The following ITPR2 variants were observed in gnomAD, a reference collection of about 807,000 sequenced individuals.
The protein encoded by ITPR2 is inositol 1,4,5-trisphosphate-gated calcium channel ITPR2.
In ITPR2, 207 loss-of-function variants were observed where a neutral mutation model predicts 317.1. The ratio of observed to expected loss-of-function variants is 0.65; its 90% CI spans 0.58 to 0.73. The LOEUF (loss-of-function observed/expected upper bound fraction) is 0.73. Ranked by LOEUF, ITPR2 falls within the 30% of genes least tolerant of loss-of-function variation. The probability of loss-of-function intolerance (pLI) is 0.00; values close to 1 mark genes in which losing one functional copy is unlikely to be tolerated. For synonymous variants in ITPR2, 1,156 were observed against 1,149.1 expected (o/e 1.01, Z -0.12); for missense variants, 2,613 against 3,284.0 (o/e 0.80, Z 4.99).
intron 49 of ITPR2, among the ~76,000 whole-genome samples, chr12:26,423,839 C>G (rs933405571): frequency 6.6e-6 from 1 of 152,120 alleles, no homozygotes; most frequent in African/African-American, 2.4e-5. Flanking sequence ...TGAAATATCT[C>G]AAATATTGCG....
At chr12:26,675,973 C>T (rs1369612550) in intron 13 of ITPR2, among the ~76,000 whole-genome samples, 2 of 151,880 alleles carry the variant, frequency 1.3e-5, no homozygotes, top group Non-Finnish European at 2.9e-5. Context: ...GCCTGGCCAA[C>T]ATGGTGAAAC....
intron 55 of ITPR2, among the ~76,000 whole-genome samples, chr12:26,356,728 T>G (rs1022363520): frequency 6.6e-6 from 1 of 152,222 alleles, no homozygotes; most frequent in Non-Finnish European, 1.5e-5. Context: ...ATTGATTGAT[T>G]GTAGGGTGGG....
chr12:26,340,604 A>C (rs1938078535), intron 55 of ITPR2, among the ~76,000 whole-genome samples: 1 of 152,110 alleles, frequency 6.6e-6, no homozygotes, highest in African/African-American at 2.4e-5. Flanking sequence ...GCATTCAGTG[A>C]ATGATGGTGA....
intron 51 of ITPR2, among the ~76,000 whole-genome samples, chr12:26,414,044 TATATGTACACACAC>T (rs1565513175): frequency 1.5e-5 from 1 of 67,232 alleles, no homozygotes; most frequent in East Asian, 7.2e-4. Context: ...TCTACATGTA[TATATGTACACACAC>T]ACACACACAC....
At chr12:26,523,672 C>T (rs1943728121) in intron 37 of ITPR2, among the ~76,000 whole-genome samples, 1 of 152,136 alleles carries the variant, frequency 6.6e-6, no homozygotes, top group Admixed American at 6.5e-5. Context: ...ATGATGTATA[C>T]ATAATGCAAA....
chr12:26,363,782 T>G (rs1312561028), intron 55 of ITPR2, among the ~76,000 whole-genome samples: 2 of 149,708 alleles, frequency 1.3e-5, no homozygotes, highest in Non-Finnish European at 3.0e-5. Flanking sequence ...AAAAAAAGAG[T>G]CCTACAAATT....
rs1186797166 is a variant in ITPR2, at chr12:26,486,233, T to C, written c.5682A>G (p.Thr1894=). The part of the protein sequence containing the change: ...EMDPEIDIMC[T]GPEAGNTEEK... Reference sequence around the variant, plus strand: ...CCTCAGTGTTTCCCGCTTCTGGTCCTGTGCACATAATGTCTATTTCTGGAT... The same window carrying C: ...CCTCAGTGTTTCCCGCTTCTGGTCCCGTGCACATAATGTCTATTTCTGGAT... The change falls in exon 41 of 57, where the codon ACA becomes ACG. Residue 1894 remains threonine, a synonymous_variant. Transcript: ENST00000381340. 1.2e-6 allele frequency: 2 copies of C among 1,614,212 alleles called. No individual in the cohort carries two copies. The highest frequency in any genetic ancestry group is 1.7e-5 in the Admixed American group (1 of 60,028).
chr12:26,815,644 T>G (rs1409962308), intron 1 of ITPR2, among the ~76,000 whole-genome samples: 1 of 152,032 alleles, frequency 6.6e-6, no homozygotes, highest in Non-Finnish European at 1.5e-5. Context: ...AAGGATAGCA[T>G]GCATCAAACC....
At chr12:26,720,323 T>TCC (rs1948813586) in intron 5 of ITPR2, among the ~76,000 whole-genome samples, 1 of 152,212 alleles carries the variant, frequency 6.6e-6, no homozygotes, top group Non-Finnish European at 1.5e-5. Context: ...CATCTATTGT[T>TCC]AAATAGTAAA....
intron 46 of ITPR2, among the ~76,000 whole-genome samples, chr12:26,442,207 C>T (rs949614874): frequency 9.2e-5 from 14 of 152,134 alleles, no homozygotes; most frequent in East Asian, 1.9e-4. Context: ...AGGAGAAACT[C>T]GTACTCAATC....
intron 39 of ITPR2, among the ~76,000 whole-genome samples, chr12:26,489,352 C>G (rs1185819245): frequency 6.6e-6 from 1 of 152,118 alleles, no homozygotes; most frequent in Non-Finnish European, 1.5e-5. Flanking sequence ...AAGACAAGAG[C>G]ATGATGCAGG....
chr12:26,489,873 T>A (rs1463019745), intron 39 of ITPR2, among the ~76,000 whole-genome samples: 1 of 152,168 alleles, frequency 6.6e-6, no homozygotes, highest in Admixed American at 6.5e-5. Flanking sequence ...ACAGTGAGAA[T>A]GTAAAACCCC....
Position 26,477,027 on chromosome 12 carries a change from T to G in ITPR2, c.6124-20A>C. Reference sequence around the variant, plus strand: ...ATTGTTCTAGAGACACAGATTGAGTTAATGTGCATGCAAAGTCTATTTCAT... The same window carrying G: ...ATTGTTCTAGAGACACAGATTGAGTGAATGTGCATGCAAAGTCTATTTCAT... On this transcript the variant is annotated intron_variant, in intron 43 of 56. Coordinates refer to ENST00000381340, the MANE Select transcript of ITPR2 (RefSeq NM_002223.4). 6.8e-7 allele frequency: 1 copy of G among 1,475,686 alleles called. No homozygotes were observed. The highest frequency in any genetic ancestry group is 9.4e-7 in the Non-Finnish European group (1 of 1,058,410). The allele number at this position is 1,475,686 out of a possible 1,614,324, so 91.4% of individuals were successfully genotyped here.
intron 55 of ITPR2, among the ~76,000 whole-genome samples, chr12:26,342,094 C>A (rs1190326399): frequency 6.6e-6 from 1 of 152,156 alleles, no homozygotes; most frequent in African/African-American, 2.4e-5. Context: ...GCTGCTCACA[C>A]ACAGCCCAAG....
chr12:26,773,981 A>ATTTTTTTTTTTTTTTTTTTTTTTT (rs34106132), intron 2 of ITPR2, among the ~76,000 whole-genome samples: 1 of 91,392 alleles, frequency 1.1e-5, no homozygotes, highest in Non-Finnish European at 2.1e-5. Context: ...CAACTGGAGA[A>ATTTTTTTTTTTTTTTTTTTTTTTT]TTTTTTTTTT....
intron 37 of ITPR2, among the ~76,000 whole-genome samples, chr12:26,542,211 C>T (rs1944283112): frequency 6.6e-6 from 1 of 152,216 alleles, no homozygotes; most frequent in South Asian, 2.1e-4. Flanking sequence ...CAAGCCTTTC[C>T]TGGGCAGCTC....
intron 1 of ITPR2, among the ~76,000 whole-genome samples, chr12:26,805,181 T>TA (rs1592146791): frequency 1.3e-5 from 2 of 152,372 alleles, no homozygotes; most frequent in East Asian, 3.9e-4. Context: ...TTTAAGAGTC[T>TA]AATATCACAA....
rs773978567 is a variant in ITPR2 at position 26,339,527 on chromosome 12, C to G, written c.8020-44G>C. 6.6e-6 allele frequency: 10 copies of G among 1,524,350 alleles called. No homozygotes were observed. The East Asian group carries it at 2.3e-4, about 34-fold the overall frequency. 94.4% of individuals were successfully genotyped at this position (1,524,350 alleles called of 1,614,324 possible). A position where few individuals can be genotyped will look rare whatever the true frequency, so the allele number is the denominator to read the frequency against. Reference sequence around the variant, plus strand: ...TGTGTGTTCAGCGGATTTTCTCACTCTTACCCAGTGCTGGTGGGCCACAAC... The same window carrying G: ...TGTGTGTTCAGCGGATTTTCTCACTGTTACCCAGTGCTGGTGGGCCACAAC... On this transcript the variant is annotated intron_variant, in intron 56 of 56. Coordinates refer to ENST00000381340, the MANE Select transcript of ITPR2 (RefSeq NM_002223.4).
chr12:26,756,339 G>A (rs766854730), intron 2 of ITPR2, among the ~76,000 whole-genome samples: 1 of 152,150 alleles, frequency 6.6e-6, no homozygotes, highest in Admixed American at 6.5e-5. Flanking sequence ...GATGGGTAAT[G>A]TAAAAATCTG....
Sources: gnomAD v4.1 joint callset for allele counts (sites outside exome capture counted in the v4.1 genomes callset) on GRCh38, gnomAD v4.1.1 for gene constraint, MANE v1.5 for transcripts, NCBI Gene and HGNC (gene_info 2026-07-23, HGNC 2026-07-21) for gene names.